The following CNR1 variants were observed in gnomAD, a reference collection of about 807,000 sequenced individuals.
The protein encoded by CNR1 is cannabinoid receptor 1 (brain).
Under a neutral mutation model 23.0 loss-of-function variants are expected in CNR1, and 10 were observed. The observed-to-expected ratio is 0.43, with a 90% CI of 0.27 to 0.74. The LOEUF (loss-of-function observed/expected upper bound fraction) is 0.74. Among genes scored for constraint, CNR1 ranks in the 30% least tolerant of loss-of-function variants. The pLI is 0.19. For missense variants in CNR1, 422 were observed against 618.8 expected (o/e 0.68, Z 3.37); for synonymous variants, 271 against 255.2 (o/e 1.06, Z -0.59).
At chr6:88,148,325 G>C (rs1777320114) in intron 1 of CNR1, among the ~76,000 whole-genome samples, 1 of 152,100 alleles carries the variant, frequency 6.6e-6, no homozygotes, top group Admixed American at 6.5e-5. Flanking sequence ...ATACTTCTTT[G>C]TGTTTGCATC....
At chr6:88,145,713 T>G (rs922491713) in intron 1 of CNR1, among the ~76,000 whole-genome samples, 2 of 152,236 alleles carry the variant, frequency 1.3e-5, no homozygotes, top group Non-Finnish European at 2.9e-5. Flanking sequence ...TGGCTTCTCC[T>G]GTCACACACA....
At chr6:88,147,157 T>A (rs886423593) in intron 1 of CNR1, among the ~76,000 whole-genome samples, 18 of 151,996 alleles carry the variant, frequency 1.2e-4, no homozygotes, top group African/African-American at 4.1e-4. Context: ...AAAAAAATTT[T>A]AAAAAAATTA....
chr6:88,160,491 G>A (rs1778042423), intron 1 of CNR1, among the ~76,000 whole-genome samples: 1 of 141,620 alleles, frequency 7.1e-6, no homozygotes, highest in East Asian at 2.1e-4. Context: ...CTGGAGTGCT[G>A]TGGAGTGATC....
intron 1 of CNR1, chr6:88,164,251 ACATACCTCAGC>A (rs1318760626): frequency 1.3e-5 from 2 of 152,410 alleles, no homozygotes; most frequent in Non-Finnish European, 2.9e-5. Flanking sequence ...GACACTTGAT[ACATACCTCAGC>A]CAAGAGCGCT....
intron 1 of CNR1, among the ~76,000 whole-genome samples, chr6:88,159,639 CCAAAGT>C (rs1372794920): frequency 7.2e-5 from 11 of 152,288 alleles, no homozygotes; most frequent in Non-Finnish European, 1.6e-4. Context: ...TGTGTATCTT[CCAAAGT>C]CAAATTCCCA....
At chr6:88,146,826 A>G (rs1225017249) in intron 1 of CNR1, among the ~76,000 whole-genome samples, 10 of 152,224 alleles carry the variant, frequency 6.6e-5, no homozygotes, top group Non-Finnish European at 1.5e-4. Flanking sequence ...CTATTTCAGA[A>G]CAAATTTTAA....
intron 1 of CNR1, among the ~76,000 whole-genome samples, chr6:88,158,672 T>C (rs1777928089): frequency 6.6e-6 from 1 of 152,192 alleles, no homozygotes; most frequent in Non-Finnish European, 1.5e-5. Context: ...TAAGAACCAC[T>C]GTGAAAGATT....
upstream of CNR1, among the ~76,000 whole-genome samples, chr6:88,166,606 G>A (rs906263475): frequency 2.6e-5 from 4 of 152,114 alleles, no homozygotes; most frequent in Non-Finnish European, 4.4e-5. Context: ...CTCCGCCGCC[G>A]CGCTCCCGGA....
intron 1 of CNR1, among the ~76,000 whole-genome samples, chr6:88,164,090 CA>C (rs1778245129): frequency 6.6e-6 from 1 of 152,190 alleles, no homozygotes. Context: ...TATTAAAATT[CA>C]GGGGCATGAA....
rs201138255 is a variant in CNR1 at position 88,144,713 on chromosome 6, C to A, written c.562G>T (p.Val188Leu). 1 of 1,614,046 alleles carries A rather than the reference C, an allele frequency of 6.2e-7. No homozygotes were observed. The highest frequency in any genetic ancestry group is 8.5e-7 in the Non-Finnish European group (1 of 1,180,046). The change falls in exon 2 of 2, where the codon GTG becomes TTG. Residue 188 changes from valine to leucine, a missense_variant. Coordinates refer to ENST00000369501, the MANE Select transcript of CNR1 (RefSeq NM_016083.6). This position sits in a 1 kb window ranked among gnomAD's most constrained non-coding sequence, Gnocchi z 7.8. ...ACCCCACCCAGTTTGAACAGAAACA[C>A]GTTGCGGCTATCTTTGCGGTGGAAC... The part of the protein sequence containing the change: ...HVFHRKDSRN[V>L]FLFKLGGVTA...
intron 1 of CNR1, among the ~76,000 whole-genome samples, chr6:88,152,093 G>A (rs1777549800): frequency 6.6e-6 from 1 of 151,736 alleles, no homozygotes; most frequent in Non-Finnish European, 1.5e-5. Context: ...AAGTCTTCTG[G>A]ATTCTTAGAA....
intron 1 of CNR1, among the ~76,000 whole-genome samples, chr6:88,159,004 A>G (rs918963154): frequency 2.0e-5 from 3 of 152,160 alleles, no homozygotes; most frequent in Admixed American, 6.5e-5. Context: ...TTTGTCCAGC[A>G]AAGGAAAGTG....
intron 1 of CNR1, among the ~76,000 whole-genome samples, chr6:88,154,155 T>A (rs1463806644): frequency 6.6e-6 from 1 of 152,230 alleles, no homozygotes; most frequent in Non-Finnish European, 1.5e-5. Context: ...AGTTATTTAA[T>A]GCACCATTTT....
At chr6:88,154,370 T>C (rs1000225400) in intron 1 of CNR1, among the ~76,000 whole-genome samples, 2 of 152,194 alleles carry the variant, frequency 1.3e-5, no homozygotes, top group Non-Finnish European at 1.5e-5. Context: ...TGCAACTTCA[T>C]TGGGTTAGGA....
chr6:88,158,086 A>C (rs1777895049), intron 1 of CNR1, among the ~76,000 whole-genome samples: 1 of 152,256 alleles, frequency 6.6e-6, no homozygotes, highest in South Asian at 2.1e-4. Flanking sequence ...ACAATGCAAG[A>C]CATAAACAGA....
intron 1 of CNR1, among the ~76,000 whole-genome samples, chr6:88,158,343 A>G (rs1777911405): frequency 6.6e-6 from 1 of 152,240 alleles, no homozygotes; most frequent in Non-Finnish European, 1.5e-5. Flanking sequence ...AGGAACTGAA[A>G]AGTGTTCAGA....
chr6:88,162,899 A>C (rs544465688), intron 1 of CNR1: 1 of 152,204 alleles, frequency 6.6e-6, no homozygotes, highest in Non-Finnish European at 1.5e-5. Context: ...TTTCACTCTA[A>C]CTATTTGTCA....
At position 88,144,492 on chromosome 6, in the gene CNR1, T is replaced by C. The variant is rs772252114; in HGVS notation, c.783A>G (p.Gln261=). Residue 261 remains glutamine, a synonymous_variant, in exon 2 of 2, where the codon CAA becomes CAG. Coordinates refer to ENST00000369501, the MANE Select transcript of CNR1 (RefSeq NM_016083.6). This position sits in a 1 kb window ranked among gnomAD's most constrained non-coding sequence, Gnocchi z 7.8. ...PLLGWNCEKL[Q]SVCSDIFPHI... ...GTGGGAAAATGTCTGAGCAAACAGATTGCAGTTTCTCGCAGTTCCAGCCCA... is the reference window on the plus strand; with the variant it reads ...GTGGGAAAATGTCTGAGCAAACAGACTGCAGTTTCTCGCAGTTCCAGCCCA... 22 of 1,614,056 alleles carry C rather than the reference T, an allele frequency of 1.4e-5. No individual in the cohort carries two copies. The South Asian group carries it at 1.9e-4, about 14-fold the overall frequency.
At chr6:88,149,554 CA>C (rs2127838920) in intron 1 of CNR1, among the ~76,000 whole-genome samples, 1 of 152,342 alleles carries the variant, frequency 6.6e-6, no homozygotes, top group East Asian at 1.9e-4. Context: ...TGCACATCCA[CA>C]AACCTAACTT....
Sources: allele counts gnomAD v4.1 joint callset (sites outside exome capture counted in the v4.1 genomes callset), GRCh38; gene constraint gnomAD v4.1.1; non-coding constraint Gnocchi (gnomAD v3.1); transcripts MANE v1.5; gene names NCBI Gene and HGNC (gene_info 2026-07-23, HGNC 2026-07-21).